RTL4: variants seen among roughly 807,000 people sequenced by gnomAD.
RTL4 encodes the protein retrotransposon Gag-like protein 4.
In RTL4, 4 loss-of-function variants were observed where a neutral mutation model predicts 5.3. The observed-to-expected ratio is 0.75, with a 90% CI of 0.37 to 1.72. The LOEUF (loss-of-function observed/expected upper bound fraction) is 1.72. RTL4 is among the 40% of genes most tolerant of loss of function. RTL4 has a pLI of 0.04. For missense variants in RTL4, 260 were observed against 227.1 expected (o/e 1.14, Z -0.93); for synonymous variants, 98 against 87.3 (o/e 1.12, Z -0.68).
the RTL4 span, among the ~76,000 whole-genome samples, chrX:112,216,760 A>G: frequency 8.9e-6 from 1 of 111,992 alleles, no homozygotes; most frequent in Non-Finnish European, 1.9e-5. Context: ...TTATTTTAGT[A>G]CAGAGGAAGT....
the RTL4 span, among the ~76,000 whole-genome samples, chrX:112,424,728 A>G: frequency 9.0e-6 from 1 of 111,284 alleles, no homozygotes; most frequent in South Asian, 3.7e-4. Flanking sequence ...TGGGAATTTA[A>G]GAAATATTTT....
the RTL4 span, among the ~76,000 whole-genome samples, chrX:112,094,331 C>T: frequency 9.0e-6 from 1 of 110,905 alleles, no homozygotes; most frequent in African/African-American, 3.3e-5. Flanking sequence ...ATAGTGATAC[C>T]ATTTCACTGA....
chrX:112,352,368 G>A, the RTL4 span, among the ~76,000 whole-genome samples: 327 of 110,661 alleles, frequency 3.0e-3, no homozygotes, highest in African/African-American at 6.3e-3. Flanking sequence ...AGCCCGCATC[G>A]CCAAGTCAAT....
the RTL4 span, among the ~76,000 whole-genome samples, chrX:112,439,319 T>G: frequency 8.9e-6 from 1 of 111,813 alleles, no homozygotes; most frequent in Non-Finnish European, 1.9e-5. Context: ...TTACTCAAAA[T>G]CATGACTTAT....
exon 1 of RTL4, chrX:112,454,705 T>G: frequency 8.6e-7 from 1 of 1,157,376 alleles, no homozygotes. Context: ...TTCTACTCAA[T>G]CCCACCTGAT....
the RTL4 span, among the ~76,000 whole-genome samples, chrX:112,403,479 C>T: frequency 8.9e-6 from 1 of 111,775 alleles, no homozygotes; most frequent in South Asian, 3.8e-4. Context: ...GACTAAGGCC[C>T]TAACTGGCTA....
chrX:112,133,225 T>C, the RTL4 span, among the ~76,000 whole-genome samples: 1 of 112,172 alleles, frequency 8.9e-6, no homozygotes, highest in Non-Finnish European at 1.9e-5. Context: ...TTGCTACTGC[T>C]ATAAGTGCTT....
chrX:112,406,874 A>G, the RTL4 span, among the ~76,000 whole-genome samples: 2 of 109,907 alleles, frequency 1.8e-5, no homozygotes, highest in Non-Finnish European at 3.8e-5. Flanking sequence ...CCTAGCTCCC[A>G]GATGACATTT....
At chrX:112,411,900 G>A in the RTL4 span, among the ~76,000 whole-genome samples, 765 of 110,287 alleles carry the variant, frequency 6.9e-3, 8 homozygotes, top group African/African-American at 0.024. Context: ...AATTGGAAAG[G>A]AAGAAGCCAA....
chrX:112,440,095 G>A, the RTL4 span, among the ~76,000 whole-genome samples: 25,726 of 110,802 alleles, frequency 0.23, 2,303 homozygotes, highest in Middle Eastern at 0.29. Flanking sequence ...TGCTACTACG[G>A]GTGACAAATA....
At chrX:112,323,962 G>A in the RTL4 span, among the ~76,000 whole-genome samples, 55 of 111,962 alleles carry the variant, frequency 4.9e-4, 1 homozygote, top group South Asian at 2.6e-3. Flanking sequence ...AAATTCACTC[G>A]TTTAAACTGT....
At chrX:112,355,584 AAG>A in the RTL4 span, among the ~76,000 whole-genome samples, 2 of 111,341 alleles carry the variant, frequency 1.8e-5, no homozygotes, top group Admixed American at 9.6e-5. Context: ...CTACTTCTGC[AAG>A]AGTTAGCTGC....
At chrX:112,329,599 A>G in the RTL4 span, among the ~76,000 whole-genome samples, 180 of 110,541 alleles carry the variant, frequency 1.6e-3, no homozygotes, top group East Asian at 0.012. Context: ...AACTGGTACC[A>G]TTCCTTCTGA....
the RTL4 span, among the ~76,000 whole-genome samples, chrX:112,144,995 C>T: frequency 9.0e-6 from 1 of 111,035 alleles, no homozygotes; most frequent in Non-Finnish European, 1.9e-5. Context: ...ATCTATGGTT[C>T]TACAAGTCCT....
At chrX:112,161,837 C>T in the RTL4 span, among the ~76,000 whole-genome samples, 16 of 53,921 alleles carry the variant, frequency 3.0e-4, no homozygotes, top group African/African-American at 1.1e-3. Flanking sequence ...TCCTTCCTTC[C>T]TTCCTTCCTT....
chrX:112,152,302 A>G, the RTL4 span, among the ~76,000 whole-genome samples: 1 of 111,993 alleles, frequency 8.9e-6, no homozygotes, highest in Admixed American at 9.4e-5. Flanking sequence ...TTGACTCCAG[A>G]TTTCAGTGGT....
chrX:112,193,809 T>C, the RTL4 span, among the ~76,000 whole-genome samples: 2 of 112,142 alleles, frequency 1.8e-5, no homozygotes, highest in Non-Finnish European at 3.8e-5. Context: ...GTCATTCTTA[T>C]GCTTTCTTAC....
chrX:112,201,704 T>C, the RTL4 span, among the ~76,000 whole-genome samples: 319 of 110,998 alleles, frequency 2.9e-3, 1 homozygote, highest in Non-Finnish European at 5.2e-3. Context: ...GTGTGAGAAA[T>C]GCATTTTTTT....
chrX:112,414,801 A>C, the RTL4 span, among the ~76,000 whole-genome samples: 1 of 111,653 alleles, frequency 9.0e-6, no homozygotes, highest in African/African-American at 3.2e-5. Context: ...CCTAACTGTA[A>C]GGTCCCTTAA....
Sources: allele counts gnomAD v4.1 joint callset (sites outside exome capture counted in the v4.1 genomes callset), GRCh38; gene constraint gnomAD v4.1.1; transcripts MANE v1.5; gene names NCBI Gene and HGNC (gene_info 2026-07-23, HGNC 2026-07-21).